Variants in SPATA22 observed in about 807,000 individuals in gnomAD.
The protein encoded by SPATA22 is spermatogenesis-associated protein 22.
Under a neutral mutation model 47.8 loss-of-function variants are expected in SPATA22, and 29 were observed. The observed-to-expected ratio is 0.61, with a 90% confidence interval of 0.45 to 0.83. The LOEUF is 0.83. Among genes scored for constraint, SPATA22 ranks in the 40% least tolerant of loss-of-function variants. SPATA22 has a pLI of 0.00. For synonymous variants in SPATA22, 133 were observed against 140.9 expected (o/e 0.94, Z 0.40); for missense variants, 410 against 421.7 (o/e 0.97, Z 0.24).
chr17:3,456,981 C>T (rs71360942), intron 5 of SPATA22, among the ~76,000 whole-genome samples: 34,138 of 149,646 alleles, frequency 0.23, 4,142 homozygotes, highest in East Asian at 0.41. Context: ...AGAAAAGGCC[C>T]TTGACAAAAT....
intron 1 of SPATA22, among the ~76,000 whole-genome samples, chr17:3,504,924 TG>T (rs776216355): frequency 8.5e-5 from 13 of 152,200 alleles, no homozygotes; most frequent in Admixed American, 1.3e-4. Flanking sequence ...TTCTTACCCT[TG>T]TTATGAGATC....
chr17:3,481,735 G>T lies in SPATA22; in HGVS notation c.-73-12337C>A, dbSNP rs768152290. 2.5e-6 allele frequency: 4 copies of T among 1,613,628 alleles called. No individual in the cohort carries two copies. The highest frequency in any genetic ancestry group is 3.4e-6 in the Non-Finnish European group (4 of 1,179,770). On this transcript the variant is annotated intron_variant, in intron 1 of 8. Transcript: ENST00000541913. ...TTCACAACACCACCTCTAACATGGG[G>T]TGCACTCTTATTCTTGAGGATTCCA...
intron 5 of SPATA22, among the ~76,000 whole-genome samples, chr17:3,459,094 G>A (rs1047491429): frequency 3.6e-5 from 5 of 140,818 alleles, no homozygotes; most frequent in East Asian, 4.6e-4. Context: ...GAAGCAGAGC[G>A]TAGAATAGTG....
At chr17:3,460,282 G>A (rs1454833145) in intron 5 of SPATA22, among the ~76,000 whole-genome samples, 3 of 151,946 alleles carry the variant, frequency 2.0e-5, no homozygotes, top group Non-Finnish European at 4.4e-5. Context: ...AAGGTGAAAT[G>A]GCTTTTTTCT....
intron 1 of SPATA22, among the ~76,000 whole-genome samples, chr17:3,505,241 C>T (rs1298709986): frequency 1.3e-5 from 2 of 152,176 alleles, no homozygotes; most frequent in Non-Finnish European, 2.9e-5. Flanking sequence ...CAAATTGCAA[C>T]CGTAATGCTT....
intron 1 of SPATA22, chr17:3,513,218 G>C (rs2074137302): frequency 1.3e-5 from 2 of 152,598 alleles, no homozygotes; most frequent in Non-Finnish European, 1.5e-5. Context: ...ATTCTCAACT[G>C]AAATGTCTTT....
At chr17:3,491,076 T>G (rs2073816353) in intron 1 of SPATA22, among the ~76,000 whole-genome samples, 1 of 152,228 alleles carries the variant, frequency 6.6e-6, no homozygotes, top group South Asian at 2.1e-4. Flanking sequence ...GCTTCATTCT[T>G]GACTCTGTCC....
chr17:3,466,525 A>G (rs749856406), intron 3 of SPATA22, among the ~76,000 whole-genome samples: 17 of 152,182 alleles, frequency 1.1e-4, no homozygotes, highest in Non-Finnish European at 1.9e-4. Flanking sequence ...AGGGCAGTCT[A>G]CTGGTGACCT....
upstream of SPATA22, chr17:3,472,004 G>A (rs73305602): frequency 0.051 from 16,484 of 323,928 alleles, 1,444 homozygotes; most frequent in African/African-American, 0.24. Flanking sequence ...AGAGAGGAAA[G>A]GAGACTGTCC....
At chr17:3,476,379 G>T, upstream of SPATA22, 2 of 1,614,008 alleles carry the variant, frequency 1.2e-6, no homozygotes, top group South Asian at 2.2e-5. Context: ...TCGCATTTTT[G>T]ACCTTGAAAA....
chr17:3,510,607 G>GCA (rs886052836), intron 1 of SPATA22: 3 of 152,088 alleles, frequency 2.0e-5, no homozygotes, highest in Non-Finnish European at 4.4e-5. Flanking sequence ...ATAGAGTTTC[G>GCA]CACACACATA....
intron 5 of SPATA22, among the ~76,000 whole-genome samples, chr17:3,453,396 G>T (rs1370197488): frequency 1.3e-5 from 2 of 152,134 alleles, no homozygotes; most frequent in African/African-American, 4.8e-5. Flanking sequence ...ATACACCACA[G>T]TAGCAGAATT....
chr17:3,489,337 A>G (rs1467728458), intron 1 of SPATA22: 8 of 1,596,640 alleles, frequency 5.0e-6, no homozygotes, highest in Non-Finnish European at 6.9e-6. Flanking sequence ...CATCATTTCA[A>G]TGAAGGTAAG....
chr17:3,469,910 A>G (rs1054082224), intron 1 of SPATA22, among the ~76,000 whole-genome samples: 4 of 152,150 alleles, frequency 2.6e-5, no homozygotes, highest in Non-Finnish European at 4.4e-5. Flanking sequence ...CCTGGCCAAC[A>G]TGGCAAAAGC....
chr17:3,464,540 C>T (rs2073228052), intron 3 of SPATA22, among the ~76,000 whole-genome samples: 2 of 135,430 alleles, frequency 1.5e-5, no homozygotes, highest in African/African-American at 5.2e-5. Flanking sequence ...GTGAGAAGCG[C>T]CTCTTCCCGG....
intron 5 of SPATA22, among the ~76,000 whole-genome samples, chr17:3,451,895 C>A (rs374614362): frequency 2.0e-5 from 3 of 150,344 alleles, no homozygotes; most frequent in Admixed American, 1.3e-4. Flanking sequence ...TGCAGTGAGC[C>A]GAGATTGCAC....
rs1448738321 is a variant in SPATA22 at position 3,469,318 on chromosome 17, C to T, written c.8G>A (p.Arg3Gln). 1.1e-5 allele frequency: 18 copies of T among 1,568,972 alleles called. 1 individual carries two copies. Among genetic ancestry groups the T allele is most frequent in the South Asian group, 3.5e-5 (3 of 85,704 alleles). Reference protein sequence around the residue: MKRSLNENSARST... With the variant: MKQSLNENSARST... Reference sequence around the variant, plus strand: ...TCGAGCTGAATTTTCATTTAGGCTTCGCTTCATTTCCTTCAATATCAAAAT... The same window carrying T: ...TCGAGCTGAATTTTCATTTAGGCTTTGCTTCATTTCCTTCAATATCAAAAT... Residue 3 changes from arginine (R) to glutamine (Q), a missense_variant, in exon 2 of 9, where the codon CGA (arginine) becomes CAA (glutamine). Coordinates refer to ENST00000572969, the MANE Select transcript of SPATA22 (RefSeq NM_001170698.2).
intron 5 of SPATA22, among the ~76,000 whole-genome samples, chr17:3,461,559 T>A (rs2073125879): frequency 6.6e-6 from 1 of 152,200 alleles, no homozygotes; most frequent in Non-Finnish European, 1.5e-5. Flanking sequence ...TGAACAGGCC[T>A]AGTTTTAAGG....
intron 1 of SPATA22, chr17:3,489,208 T>C (rs1470039709): frequency 3.1e-6 from 4 of 1,308,216 alleles, no homozygotes; most frequent in Non-Finnish European, 4.4e-6. Context: ...CTTATATAAA[T>C]GTGACTATCT....
Sources: gnomAD v4.1 joint callset for allele counts (sites outside exome capture counted in the v4.1 genomes callset) on GRCh38, gnomAD v4.1.1 for gene constraint, MANE v1.5 for transcripts, NCBI Gene and HGNC (gene_info 2026-07-23, HGNC 2026-07-21) for gene names.